The following RIN2 variants were observed in gnomAD, a reference collection of about 807,000 sequenced individuals.
RIN2 encodes RAB5 interacting protein 2.
RIN2 carries 36 observed loss-of-function variants against 78.0 expected under a neutral mutation model. That is an observed-to-expected ratio of 0.46 (90% CI 0.35 to 0.61). The LOEUF (loss-of-function observed/expected upper bound fraction) is 0.61. Among genes scored for constraint, RIN2 ranks in the 20% least tolerant of loss-of-function variants. The pLI, the probability that RIN2 is intolerant of heterozygous loss-of-function variation, is 0.00. For missense variants in RIN2, 1,087 were observed against 1,159.7 expected, an observed-to-expected ratio of 0.94 and a Z score of 0.91; for synonymous variants, 466 against 466.8, an observed-to-expected ratio of 1.00 and a Z score of 0.02.
At chr20:19,840,965 T>A (rs566168196) in intron 2 of RIN2, among the ~76,000 whole-genome samples, 8 of 152,152 alleles carry the variant, frequency 5.3e-5, no homozygotes, top group Non-Finnish European at 8.8e-5. Flanking sequence ...TTGTCTCACT[T>A]TTCTCTTTTT....
intron 1 of RIN2, among the ~76,000 whole-genome samples, chr20:19,781,340 A>G (rs1254684744): frequency 6.6e-6 from 1 of 152,228 alleles, no homozygotes; most frequent in Admixed American, 6.5e-5. Flanking sequence ...TTGCCAAGAA[A>G]GAGAACATCG....
At chr20:19,765,676 A>G (rs1202046168) in intron 1 of RIN2, among the ~76,000 whole-genome samples, 2 of 151,416 alleles carry the variant, frequency 1.3e-5, no homozygotes, top group South Asian at 2.1e-4. Flanking sequence ...TTCCTTTGCA[A>G]TGGTTTTTCT....
chr20:19,905,209 C>A (rs566993098), intron 3 of RIN2, among the ~76,000 whole-genome samples: 3 of 152,286 alleles, frequency 2.0e-5, no homozygotes, highest in African/African-American at 7.2e-5. Flanking sequence ...AGAACAGACT[C>A]AAAACTCACA....
At chr20:19,880,392 C>CTTTTTT (rs33934712) in intron 2 of RIN2, among the ~76,000 whole-genome samples, 5 of 57,390 alleles carry the variant, frequency 8.7e-5, no homozygotes, top group African/African-American at 2.2e-4. Context: ...GGAAGTCATT[C>CTTTTTT]TTTTTTTTTT....
At chr20:19,902,541 G>A (rs1404735913) in intron 3 of RIN2, among the ~76,000 whole-genome samples, 1 of 152,174 alleles carries the variant, frequency 6.6e-6, no homozygotes, top group Admixed American at 6.5e-5. Flanking sequence ...CTTCCTCAAA[G>A]TTAGGTTTAT....
rs536875622 is a variant in RIN2, at chr20:19,780,013, T to C, written c.-162-19609T>C. 9.1e-4 allele frequency among the ~76,000 whole-genome samples: 139 copies of C among 152,334 alleles called. 1 individual carries two copies. The highest frequency in any genetic ancestry group is 1.1e-3 in the Non-Finnish European group (73 of 68,032). Reference sequence around the variant, plus strand: ...CCTCATTAACAGATAATAGCTTTTATTTCTGATTATAAAGACAATATCTAC... The same window carrying C: ...CCTCATTAACAGATAATAGCTTTTACTTCTGATTATAAAGACAATATCTAC... On this transcript the variant is annotated intron_variant, in intron 1 of 12. Coordinates refer to ENST00000255006, the MANE Select transcript of RIN2 (RefSeq NM_018993.4).
chr20:19,906,819 T>G (rs911381), intron 3 of RIN2, among the ~76,000 whole-genome samples: 3 of 152,030 alleles, frequency 2.0e-5, no homozygotes, highest in African/African-American at 7.2e-5. Context: ...TGAAGCAAAC[T>G]GGGCAGAGCA....
intron 2 of RIN2, among the ~76,000 whole-genome samples, chr20:19,887,077 G>A (rs1401994926): frequency 6.6e-6 from 1 of 151,488 alleles, no homozygotes; most frequent in Non-Finnish European, 1.5e-5. Flanking sequence ...TCAGGCCAAA[G>A]TGCAGTGGTG....
At chr20:19,879,671 C>A (rs777079774) in intron 2 of RIN2, among the ~76,000 whole-genome samples, 1 of 152,172 alleles carries the variant, frequency 6.6e-6, no homozygotes, top group East Asian at 1.9e-4. Context: ...GAGTTTAGCA[C>A]GTGTTTCCGT....
chr20:19,904,905 A>G (rs1014210862), intron 3 of RIN2, among the ~76,000 whole-genome samples: 10 of 152,224 alleles, frequency 6.6e-5, no homozygotes, highest in African/African-American at 2.4e-4. Flanking sequence ...TGAAATCTTG[A>G]CATTGAGTTG....
intron 2 of RIN2, among the ~76,000 whole-genome samples, chr20:19,833,649 A>G (rs2036318398): frequency 6.6e-6 from 1 of 152,224 alleles, no homozygotes; most frequent in Non-Finnish European, 1.5e-5. Context: ...GTATCTCTAT[A>G]TGAGTAGTGA....
At chr20:19,928,632 G>A (rs2040323252) in intron 3 of RIN2, among the ~76,000 whole-genome samples, 1 of 152,140 alleles carries the variant, frequency 6.6e-6, no homozygotes, top group Non-Finnish European at 1.5e-5. Flanking sequence ...AAAGAACTTG[G>A]GCCTTCTCCA....
At chr20:19,968,213 A>G (rs2041997523) in intron 7 of RIN2, among the ~76,000 whole-genome samples, 4 of 152,158 alleles carry the variant, frequency 2.6e-5, no homozygotes, top group Admixed American at 6.5e-5. Context: ...CAGGCCCCAC[A>G]CGAGTTACGG....
At chr20:19,762,728 G>A (rs2033690898) in intron 1 of RIN2, among the ~76,000 whole-genome samples, 1 of 152,072 alleles carries the variant, frequency 6.6e-6, no homozygotes, top group African/African-American at 2.4e-5. Context: ...AAGGGAGAAG[G>A]TAGGGAAGAA....
At chr20:19,902,765 A>G (rs889268718) in intron 3 of RIN2, among the ~76,000 whole-genome samples, 3 of 152,194 alleles carry the variant, frequency 2.0e-5, no homozygotes, top group Admixed American at 6.5e-5. Context: ...TTTAGCACAT[A>G]CTTATACTAA....
At chr20:19,769,236 G>A (rs947901618) in intron 1 of RIN2, among the ~76,000 whole-genome samples, 1 of 152,136 alleles carries the variant, frequency 6.6e-6, no homozygotes, top group Non-Finnish European at 1.5e-5. Context: ...TGCCGTGCCC[G>A]GCCAGCTTTC....
chr20:19,977,561 G>A (rs1049085305), intron 9 of RIN2, among the ~76,000 whole-genome samples: 2 of 152,156 alleles, frequency 1.3e-5, no homozygotes, highest in African/African-American at 4.8e-5. Context: ...CATCCCTTAA[G>A]GATTGGAGGA....
At chr20:19,917,485 G>A (rs890319984) in intron 3 of RIN2, among the ~76,000 whole-genome samples, 6 of 152,168 alleles carry the variant, frequency 3.9e-5, no homozygotes, top group African/African-American at 1.4e-4. Context: ...TTTAAAAAGT[G>A]TAAAGAAGAA....
In RIN2 at chr20:19,949,311, G is replaced by A. The variant is rs73605553; in HGVS notation, c.159-7304G>A. 0.022 allele frequency among the ~76,000 whole-genome samples: 3,367 copies of A among 152,198 alleles called. 325 individuals are homozygous for A. The East Asian group carries it at 0.29, about 13-fold the overall frequency. Reference sequence around the variant, plus strand: ...TAAATAAATAAAAATCTAATTGCTCGGCTTAGTGAAGGTGTGGTTTTACAC... The same window carrying A: ...TAAATAAATAAAAATCTAATTGCTCAGCTTAGTGAAGGTGTGGTTTTACAC... On this transcript the variant is annotated intron_variant, in intron 4 of 12. Transcript: ENST00000255006.
Sources: allele counts gnomAD v4.1 joint callset (sites outside exome capture counted in the v4.1 genomes callset), GRCh38; gene constraint gnomAD v4.1.1; transcripts MANE v1.5; gene names NCBI Gene and HGNC (gene_info 2026-07-23, HGNC 2026-07-21).